The following HELB variants were observed in gnomAD, a reference collection of about 807,000 sequenced individuals.
HELB encodes the protein DNA 5'-3' helicase B.
Under a neutral mutation model 101.7 loss-of-function variants are expected in HELB, and 96 were observed. That is an observed-to-expected ratio of 0.94 (90% CI 0.80 to 1.12). HELB has a LOEUF of 1.12. Among genes scored for constraint, HELB ranks in the 50% most tolerant of loss-of-function variants. The probability of loss-of-function intolerance (pLI) is 0.00; values close to 1 mark genes in which losing one functional copy is unlikely to be tolerated. For missense variants in HELB, 1,210 were observed against 1,291.9 expected (o/e 0.94, Z 0.97); for synonymous variants, 437 against 459.7 (o/e 0.95, Z 0.63).
At chr12:66,315,987 G>A (rs150659596) in intron 6 of HELB, among the ~76,000 whole-genome samples, 337 of 152,100 alleles carry the variant, frequency 2.2e-3, no homozygotes, top group South Asian at 3.7e-3. Flanking sequence ...ACAGTCATGC[G>A]CCACATAATG....
chr12:66,340,332 T>G (rs1377886585), downstream of HELB: 1 of 152,228 alleles, frequency 6.6e-6, no homozygotes, highest in Non-Finnish European at 1.5e-5. Flanking sequence ...GAAGTAGTAT[T>G]TCATTGTGGT....
chr12:66,331,698 G>T, intron 12 of HELB, 53 bp downstream of exon 12: 2 of 1,497,520 alleles, frequency 1.3e-6, no homozygotes, highest in East Asian at 4.5e-5. Context: ...CGCTAACTTC[G>T]GTGTGCTTAT....
At chr12:66,319,255 A>C (rs1427737329) in intron 7 of HELB, among the ~76,000 whole-genome samples, 1 of 152,232 alleles carries the variant, frequency 6.6e-6, no homozygotes, top group East Asian at 1.9e-4. Flanking sequence ...AATTCCTAAT[A>C]GTTCTGTTTT....
At chr12:66,331,794 A>C in intron 12 of HELB, 149 bp downstream of exon 12, 1 of 775,970 alleles carries the variant, frequency 1.3e-6, no homozygotes, top group Non-Finnish European at 2.0e-6. Flanking sequence ...AATTTCCCTT[A>C]CCTCACTGTC....
Position 66,305,155 on chromosome 12 carries a change from G to A in HELB, c.607+5G>A. ...GTCTTCCTCTGGAAAACACAAGTAA[G>A]TGTGATTTTTATCATCAACTTTCAG... On this transcript the variant is annotated splice_donor_5th_base_variant and intron_variant, in intron 2 of 12. Coordinates refer to ENST00000247815, the MANE Select transcript of HELB (RefSeq NM_001370285.1). 6.6e-7 allele frequency: 1 copy of A among 1,510,124 alleles called. No individual in the cohort carries two copies. 93.5% of individuals were successfully genotyped at this position (1,510,124 alleles called of 1,614,324 possible).
chr12:66,323,301 G>A (rs557082147), intron 9 of HELB, among the ~76,000 whole-genome samples: 1 of 151,990 alleles, frequency 6.6e-6, no homozygotes, highest in African/African-American at 2.4e-5. Flanking sequence ...CCTGTCTGCT[G>A]AGGGAAGTTA....
intron 11 of HELB, among the ~76,000 whole-genome samples, chr12:66,330,153 T>A (rs1203234812): frequency 6.6e-6 from 1 of 152,228 alleles, no homozygotes. Flanking sequence ...ACCACTTCTT[T>A]GTCTGTGTTG....
chr12:66,331,795 C>A, intron 12 of HELB, 150 bp downstream of exon 12: 3 of 777,296 alleles, frequency 3.9e-6, no homozygotes, highest in Non-Finnish European at 6.1e-6. Flanking sequence ...ATTTCCCTTA[C>A]CTCACTGTCT....
downstream of HELB, chr12:66,342,785 C>T (rs554361649): frequency 1.3e-5 from 2 of 152,158 alleles, 1 homozygote; most frequent in South Asian, 4.2e-4. Flanking sequence ...ACCACCACCT[C>T]CTTGTTTCAA....
Position 66,327,066 on chromosome 12 carries a change from A to AATATATATAT in HELB, c.2670+1947_2670+1956dup, listed in dbSNP as rs1555167520. On this transcript the variant is annotated intron_variant, in intron 11 of 12. Transcript: ENST00000247815. ...AAAAAAAAAAAAAAAAAAAAAAAAA[A>AATATATATAT]ATATATATATATATATGTTTATATA... Among the ~76,000 whole-genome samples the AATATATATAT allele has an allele frequency of 4.1e-3, 192 of 46,786 alleles. 3 individuals carry two copies. Among genetic ancestry groups the AATATATATAT allele is most frequent in the African/African-American group, 0.012 (94 of 7,622 alleles). The allele number at this position is 46,786 out of a possible 152,430, so 30.7% of individuals were successfully genotyped here.
chr12:66,323,521 C>T (rs2137006734), intron 9 of HELB, among the ~76,000 whole-genome samples: 1 of 152,294 alleles, frequency 6.6e-6, no homozygotes, highest in Admixed American at 6.5e-5. Flanking sequence ...AGTAGCTGGC[C>T]TATCACCACC....
At chr12:66,321,701 A>G (rs1292247444) in intron 7 of HELB, 2 of 380,116 alleles carry the variant, frequency 5.3e-6, no homozygotes, top group Admixed American at 4.5e-5. Flanking sequence ...CAAATGGGGA[A>G]CTGTCCTGGC....
chr12:66,336,569 C>T (rs776421831), intron 12 of HELB, among the ~76,000 whole-genome samples: 2 of 152,162 alleles, frequency 1.3e-5, no homozygotes, highest in African/African-American at 4.8e-5. Context: ...GCTGGTGTAA[C>T]CTGCCAGAAC....
At position 66,331,310 on chromosome 12, in the gene HELB, A is replaced by T. The variant is rs770944311; in HGVS notation, c.2827A>T (p.Arg943Ter). Residue 943 changes from arginine (R) to a stop codon, truncating the protein, a stop_gained, in exon 12 of 13, where the codon AGA (arginine) becomes TGA (stop). Coordinates refer to ENST00000247815, the MANE Select transcript of HELB (RefSeq NM_001370285.1). LOFTEE classifies it high-confidence loss of function. ...TGCCATTATGAAAAACAGTTTTCCTAGAAAAACTCGTTTGAAACATTTCTT... is the reference window on the plus strand; with the variant it reads ...TGCCATTATGAAAAACAGTTTTCCTTGAAAAACTCGTTTGAAACATTTCTT... ...RNAIMKNSFP[R>*]KTRLKHFLQS... 6.8e-6 allele frequency: 11 copies of T among 1,614,194 alleles called. No individual in the cohort carries two copies. The highest frequency in any genetic ancestry group is 5.0e-5 in the Admixed American group (3 of 60,024).
intron 6 of HELB, among the ~76,000 whole-genome samples, chr12:66,316,738 G>T (rs1370639812): frequency 6.6e-6 from 1 of 151,552 alleles, no homozygotes; most frequent in Non-Finnish European, 1.5e-5. Context: ...ACAGACATTA[G>T]GCCAGGCGCG....
chr12:66,324,326 A>G, intron 10 of HELB, 115 bp downstream of exon 10: 1 of 827,130 alleles, frequency 1.2e-6, no homozygotes, highest in Non-Finnish European at 1.9e-6. Flanking sequence ...TTGTTTCATG[A>G]TTTTTTGTTA....
intron 12 of HELB, among the ~76,000 whole-genome samples, chr12:66,333,453 G>A (rs2137017432): frequency 6.6e-6 from 1 of 152,270 alleles, no homozygotes; most frequent in South Asian, 2.1e-4. Flanking sequence ...GGGAGGCTGA[G>A]GCGGGTGGAT....
At chr12:66,319,067 C>G (rs2053642148) in intron 7 of HELB, among the ~76,000 whole-genome samples, 1 of 152,026 alleles carries the variant, frequency 6.6e-6, no homozygotes, top group Non-Finnish European at 1.5e-5. Context: ...AAGCAAAGCC[C>G]CAATAATTCA....
At chr12:66,318,582 T>C (rs1348759928) in intron 6 of HELB, 56 bp from the exon 7 acceptor site, 1 of 1,495,876 alleles carries the variant, frequency 6.7e-7, no homozygotes, top group African/African-American at 1.4e-5. Context: ...TGATCATATA[T>C]GAAGACATTT....
Sources: allele counts gnomAD v4.1 joint callset (sites outside exome capture counted in the v4.1 genomes callset), GRCh38; gene constraint gnomAD v4.1.1; transcripts MANE v1.5; gene names NCBI Gene and HGNC (gene_info 2026-07-23, HGNC 2026-07-21).